The following SGCZ variants were observed in gnomAD, a reference collection of about 807,000 sequenced individuals.
The protein encoded by SGCZ is sarcoglycan zeta.
Under a neutral mutation model 41.3 loss-of-function variants are expected in SGCZ, and 40 were observed. That is an observed-to-expected ratio of 0.97 (90% confidence interval 0.75 to 1.26). The LOEUF is 1.26. Ranked by LOEUF, SGCZ falls within the 50% of genes most tolerant of loss-of-function variation. The pLI, the probability that SGCZ is intolerant of heterozygous loss-of-function variation, is 0.00. For missense variants in SGCZ, 552 were observed against 369.8 expected, an observed-to-expected ratio of 1.49 and a Z score of -4.04; for synonymous variants, 206 against 137.5, an observed-to-expected ratio of 1.50 and a Z score of -3.49.
At chr8:14,629,408 A>C (rs1001503192) in intron 1 of SGCZ, among the ~76,000 whole-genome samples, 2 of 152,172 alleles carry the variant, frequency 1.3e-5, no homozygotes, top group Non-Finnish European at 2.9e-5. Context: ...CAATTACTGA[A>C]ATAATTATTT....
intron 1 of SGCZ, among the ~76,000 whole-genome samples, chr8:14,754,756 G>A (rs1038705485): frequency 2.0e-5 from 3 of 152,136 alleles, no homozygotes; most frequent in African/African-American, 4.8e-5. Context: ...CACCTAGGCT[G>A]GAGTGCAGTG....
intron 2 of SGCZ, among the ~76,000 whole-genome samples, chr8:14,473,208 C>T (rs1801261591): frequency 6.6e-6 from 1 of 152,058 alleles, no homozygotes; most frequent in South Asian, 2.1e-4. Context: ...ATGAAGTACT[C>T]TCTTTATGTA....
intron 1 of SGCZ, among the ~76,000 whole-genome samples, chr8:14,744,368 A>G (rs770498802): frequency 6.6e-6 from 1 of 152,088 alleles, no homozygotes; most frequent in Non-Finnish European, 1.5e-5. Flanking sequence ...ACACATTCCA[A>G]AGCTTTTCCC....
intron 1 of SGCZ, among the ~76,000 whole-genome samples, chr8:14,635,138 A>G (rs7816052): frequency 0.34 from 51,144 of 151,576 alleles, 8,941 homozygotes; most frequent in East Asian, 0.62. Context: ...CTTTTCATTC[A>G]AGCTATTCAT....
intron 5 of SGCZ, among the ~76,000 whole-genome samples, chr8:14,126,154 C>T (rs971784443): frequency 6.6e-6 from 1 of 152,196 alleles, no homozygotes; most frequent in African/African-American, 2.4e-5. Context: ...TAAAGAGCTT[C>T]TGCACAGCCA....
chr8:14,383,953 T>A (rs998372805), intron 2 of SGCZ, among the ~76,000 whole-genome samples: 9 of 151,778 alleles, frequency 5.9e-5, no homozygotes, highest in Admixed American at 3.9e-4. Context: ...TTGAATTTTC[T>A]TTTTTTTCTT....
chr8:14,506,262 G>A (rs1802302285), intron 2 of SGCZ, among the ~76,000 whole-genome samples: 1 of 152,034 alleles, frequency 6.6e-6, no homozygotes, highest in African/African-American at 2.4e-5. Flanking sequence ...TGTTTGTGCA[G>A]CATGGAAAAC....
At chr8:15,053,918 T>G (rs975413334) in intron 1 of SGCZ, among the ~76,000 whole-genome samples, 2 of 152,134 alleles carry the variant, frequency 1.3e-5, no homozygotes, top group Non-Finnish European at 2.9e-5. Flanking sequence ...AAATCCCCCA[T>G]TCTTAAATCA....
In SGCZ at chr8:14,531,964, A is replaced by G. The variant is rs543505801; in HGVS notation, c.234+22768T>C. 5.9e-5 allele frequency among the ~76,000 whole-genome samples: 9 copies of G among 152,268 alleles called. No homozygotes were observed. In the South Asian group the frequency reaches 1.7e-3, roughly 28 times the overall value. ...ATATCACAATTAAAATTCTACATAT[A>G]AAACATAAATTAAAACAGCTAATTT... On this transcript the variant is annotated intron_variant, in intron 2 of 7. Transcript: ENST00000382080.
At chr8:14,897,079 G>A (rs150621003) in intron 1 of SGCZ, among the ~76,000 whole-genome samples, 1,756 of 152,168 alleles carry the variant, frequency 0.012, 12 homozygotes, top group Non-Finnish European at 0.018. Context: ...ACCGTGCCTG[G>A]CCCTGGCTGA....
intron 1 of SGCZ, among the ~76,000 whole-genome samples, chr8:14,649,912 TCAC>T (rs769708035): frequency 2.6e-5 from 4 of 151,930 alleles, no homozygotes; most frequent in African/African-American, 4.8e-5. Context: ...GATTGTGAGT[TCAC>T]CACAAGAGAA....
chr8:15,146,316 C>T (rs895708167), intron 1 of SGCZ, among the ~76,000 whole-genome samples: 4 of 152,026 alleles, frequency 2.6e-5, no homozygotes, highest in Admixed American at 6.6e-5. Context: ...ATAAATGTTA[C>T]GAATATAAGA....
At chr8:14,221,322 T>A (rs563181786) in intron 4 of SGCZ, among the ~76,000 whole-genome samples, 1 of 152,338 alleles carries the variant, frequency 6.6e-6, no homozygotes, top group African/African-American at 2.4e-5. Context: ...CCCTTACGTA[T>A]AAATTTTAAA....
At chr8:14,667,648 T>C (rs1376453687) in intron 1 of SGCZ, among the ~76,000 whole-genome samples, 1 of 152,186 alleles carries the variant, frequency 6.6e-6, no homozygotes, top group Non-Finnish European at 1.5e-5. Context: ...CTTAAAAATC[T>C]AATGATTCCA....
intron 1 of SGCZ, among the ~76,000 whole-genome samples, chr8:15,134,243 G>C (rs111873958): frequency 6.6e-6 from 1 of 150,740 alleles, no homozygotes; most frequent in African/African-American, 2.4e-5. Context: ...TTCATAGGTA[G>C]TATCATCTCA....
intron 4 of SGCZ, among the ~76,000 whole-genome samples, chr8:14,188,827 T>TC (rs1804994322): frequency 3.7e-5 from 2 of 53,732 alleles, no homozygotes. Context: ...TTTCTTTGTT[T>TC]TTTTTTGTTT....
At chr8:15,063,508 T>C (rs1253150705) in intron 1 of SGCZ, among the ~76,000 whole-genome samples, 3 of 152,180 alleles carry the variant, frequency 2.0e-5, no homozygotes, top group African/African-American at 7.2e-5. Context: ...TTTATTACAG[T>C]GAAAGGATGG....
chr8:15,185,048 C>A (rs1397338434), intron 1 of SGCZ, among the ~76,000 whole-genome samples: 1 of 152,136 alleles, frequency 6.6e-6, no homozygotes, highest in African/African-American at 2.4e-5. Flanking sequence ...GCAAATATCA[C>A]CCTGCTACAT....
chr8:14,139,268 G>A (rs745990758), intron 5 of SGCZ, among the ~76,000 whole-genome samples: 42 of 151,952 alleles, frequency 2.8e-4, no homozygotes, highest in Non-Finnish European at 5.3e-4. Flanking sequence ...ACATCCTAAC[G>A]TCACAATTAA....
Sources: allele counts gnomAD v4.1 joint callset (sites outside exome capture counted in the v4.1 genomes callset), GRCh38; gene constraint gnomAD v4.1.1; transcripts MANE v1.5; gene names NCBI Gene and HGNC (gene_info 2026-07-23, HGNC 2026-07-21).